SDK1: variants seen among roughly 807,000 people sequenced by gnomAD.
SDK1 encodes sidekick cell adhesion molecule 1.
SDK1 carries 157 observed loss-of-function variants against 245.5 expected under a neutral mutation model. The ratio of observed to expected loss-of-function variants is 0.64; its 90% CI spans 0.56 to 0.73. The LOEUF (loss-of-function observed/expected upper bound fraction) is 0.73. Among genes scored for constraint, SDK1 ranks in the 30% least tolerant of loss-of-function variants. SDK1 has a pLI of 0.00. For synonymous variants in SDK1, 1,647 were observed against 1,278.5 expected, an observed-to-expected ratio of 1.29 and a Z score of -6.15; for missense variants, 3,583 against 3,002.3, an observed-to-expected ratio of 1.19 and a Z score of -4.52.
chr7:3,568,938 T>A (rs1780013509), intron 1 of SDK1, among the ~76,000 whole-genome samples: 1 of 152,098 alleles, frequency 6.6e-6, no homozygotes, highest in Non-Finnish European at 1.5e-5. Flanking sequence ...CTTTATTTAC[T>A]ATGCAAATAA....
intron 5 of SDK1, among the ~76,000 whole-genome samples, chr7:3,860,925 C>G (rs1049674824): frequency 1.3e-5 from 2 of 152,136 alleles, no homozygotes; most frequent in African/African-American, 4.8e-5. Flanking sequence ...TAAAAACCTG[C>G]TTGCAACAAA....
intron 4 of SDK1, among the ~76,000 whole-genome samples, chr7:3,751,022 C>G (rs1779758681): frequency 6.6e-6 from 1 of 152,160 alleles, no homozygotes; most frequent in South Asian, 2.1e-4. Context: ...CAAGAGTGGG[C>G]CTGCCCCCCA....
chr7:4,213,654 G>T (rs1037048070), intron 38 of SDK1, among the ~76,000 whole-genome samples: 3 of 151,502 alleles, frequency 2.0e-5, no homozygotes, highest in Non-Finnish European at 4.4e-5. Flanking sequence ...CAGAAGTGCC[G>T]CACAGGGGCC....
At chr7:3,698,640 T>C (rs548366666) in intron 4 of SDK1, among the ~76,000 whole-genome samples, 2 of 152,312 alleles carry the variant, frequency 1.3e-5, no homozygotes, top group South Asian at 2.1e-4. Context: ...CTCACAGTTC[T>C]GGAGGCTAAA....
chr7:4,125,600 C>T (rs757209572), intron 25 of SDK1, among the ~76,000 whole-genome samples: 2 of 152,146 alleles, frequency 1.3e-5, no homozygotes, highest in Non-Finnish European at 2.9e-5. Flanking sequence ...TACAGAGGTG[C>T]ATGTGTGCAT....
In SDK1 at chr7:3,623,752, C is replaced by T. The variant is rs561001207; in HGVS notation, c.458+4513C>T. ...AATTATATTCAACATATACATACAC[C>T]TAAGCCGAGAATTTCTTAATGCTAG... On this transcript the variant is annotated intron_variant, in intron 2 of 44. Coordinates refer to ENST00000404826, the MANE Select transcript of SDK1 (RefSeq NM_152744.4). Among the ~76,000 whole-genome samples the T allele has an allele frequency of 9.9e-5, 15 of 152,182 alleles. No individual in the cohort carries two copies. The East Asian group carries it at 2.7e-3, about 27-fold the overall frequency.
intron 1 of SDK1, among the ~76,000 whole-genome samples, chr7:3,468,077 A>C (rs1427571699): frequency 6.6e-6 from 1 of 152,126 alleles, no homozygotes; most frequent in Non-Finnish European, 1.5e-5. Context: ...AAATGGAAAA[A>C]ATAAAGCAGA....
At chr7:4,069,653 C>G (rs1780121186) in intron 20 of SDK1, among the ~76,000 whole-genome samples, 1 of 152,204 alleles carries the variant, frequency 6.6e-6, no homozygotes, top group South Asian at 2.1e-4. Context: ...CTGTGCTGCC[C>G]AGAGACCAAG....
intron 4 of SDK1, among the ~76,000 whole-genome samples, chr7:3,786,189 C>G (rs1780894368): frequency 6.6e-6 from 1 of 152,134 alleles, no homozygotes; most frequent in African/African-American, 2.4e-5. Context: ...CCATCCTTGT[C>G]AAAAGCATTT....
At chr7:3,818,902 T>G (rs1779576612) in intron 4 of SDK1, among the ~76,000 whole-genome samples, 2 of 152,138 alleles carry the variant, frequency 1.3e-5, no homozygotes, top group South Asian at 4.1e-4. Context: ...TGGGGCCAGC[T>G]CTCTTGTGTT....
intron 4 of SDK1, among the ~76,000 whole-genome samples, chr7:3,713,018 G>C (rs1785093835): frequency 6.6e-6 from 1 of 152,220 alleles, no homozygotes; most frequent in African/African-American, 2.4e-5. Context: ...GTCTTAAGGG[G>C]ATGGGCACCA....
At chr7:3,340,779 A>AAAG (rs1780327179) in intron 1 of SDK1, among the ~76,000 whole-genome samples, 1 of 151,822 alleles carries the variant, frequency 6.6e-6, no homozygotes, top group African/African-American at 2.4e-5. Context: ...AAAAAAAAAA[A>AAAG]AAATCATCTA....
chr7:4,206,102 G>A, intron 36 of SDK1, 108 bp downstream of exon 36: 2 of 708,842 alleles, frequency 2.8e-6, no homozygotes, highest in Non-Finnish European at 4.7e-6. Flanking sequence ...CGCTCCACCT[G>A]GAGAGCTGGG....
intron 1 of SDK1, among the ~76,000 whole-genome samples, chr7:3,428,728 C>G (rs1323549849): frequency 6.6e-6 from 1 of 152,158 alleles, no homozygotes. Flanking sequence ...AGCAACATAC[C>G]TGACCTTATC....
intron 44 of SDK1, among the ~76,000 whole-genome samples, chr7:4,250,275 C>G (rs1350866381): frequency 1.3e-5 from 2 of 152,246 alleles, no homozygotes; most frequent in East Asian, 3.9e-4. Context: ...TAAAATCTGA[C>G]TTCAGAACTT....
At chr7:4,117,619 G>A (rs536347313) in intron 25 of SDK1, among the ~76,000 whole-genome samples, 1 of 152,334 alleles carries the variant, frequency 6.6e-6, no homozygotes, top group Admixed American at 6.5e-5. Context: ...ATAGGATCAG[G>A]TTGGATCTTT....
intron 4 of SDK1, among the ~76,000 whole-genome samples, chr7:3,783,487 C>A (rs1780811403): frequency 2.0e-5 from 3 of 147,460 alleles, no homozygotes; most frequent in Admixed American, 6.7e-5. Flanking sequence ...AAAAAAAAAA[C>A]CCTGTTGGAA....
Position 4,010,952 on chromosome 7 carries a change from CTTCA to C in SDK1, c.2132-10_2132-7del. ...AAGCCTGTGGGCTTGAATTCGTTTT[CTTCA>C]TTCTTTCAGACTCTCCATGGAAGGT... On this transcript the variant is annotated splice_polypyrimidine_tract_variant and intron_variant, in intron 14 of 44. Coordinates refer to ENST00000404826, the MANE Select transcript of SDK1 (RefSeq NM_152744.4). 6.2e-7 allele frequency: 1 copy of C among 1,613,922 alleles called. No individual in the cohort carries two copies. Among genetic ancestry groups the C allele is most frequent in the African/African-American group, 1.3e-5 (1 of 75,060 alleles).
intron 5 of SDK1, among the ~76,000 whole-genome samples, chr7:3,882,505 G>C (rs1186656842): frequency 1.3e-5 from 2 of 152,144 alleles, no homozygotes; most frequent in African/African-American, 4.8e-5. Context: ...TTTGTGTTTG[G>C]ACTCAGTAAA....
Sources: allele counts gnomAD v4.1 joint callset (sites outside exome capture counted in the v4.1 genomes callset), GRCh38; gene constraint gnomAD v4.1.1; transcripts MANE v1.5; gene names NCBI Gene and HGNC (gene_info 2026-07-23, HGNC 2026-07-21).